The following TENM2 variants were observed in gnomAD, a reference collection of about 807,000 sequenced individuals.
TENM2 encodes teneurin transmembrane protein 2.
TENM2 carries 52 observed loss-of-function variants against 245.2 expected under a neutral mutation model. The observed-to-expected ratio is 0.21, with a 90% CI of 0.17 to 0.27. The LOEUF is 0.27. Among genes scored for constraint, TENM2 ranks in the 10% least tolerant of loss-of-function variants. The pLI, the probability that TENM2 is intolerant of heterozygous loss-of-function variation, is 1.00. For synonymous variants in TENM2, 1,363 were observed against 1,438.9 expected, an observed-to-expected ratio of 0.95 and a Z score of 1.19; for missense variants, 3,046 against 3,666.8, an observed-to-expected ratio of 0.83 and a Z score of 4.37.
At chr5:168,174,003 G>T (rs565226286) in intron 13 of TENM2, among the ~76,000 whole-genome samples, 1 of 152,350 alleles carries the variant, frequency 6.6e-6, no homozygotes, top group East Asian at 1.9e-4. Context: ...TCCACATGGA[G>T]AATGGAGGAG....
At chr5:167,829,610 A>C (rs542823151) in intron 2 of TENM2, among the ~76,000 whole-genome samples, 5 of 152,318 alleles carry the variant, frequency 3.3e-5, no homozygotes, top group Admixed American at 1.3e-4. Context: ...GGCAATTATA[A>C]TGTGGCAGAT....
intron 2 of TENM2, among the ~76,000 whole-genome samples, chr5:167,659,765 C>T (rs75498942): frequency 0.021 from 3,264 of 152,086 alleles, 112 homozygotes; most frequent in African/African-American, 0.073. Flanking sequence ...TCGATTGTAC[C>T]TTCTAGTTAC....
chr5:167,985,800 G>C (rs1717663113), intron 4 of TENM2, among the ~76,000 whole-genome samples: 2 of 152,212 alleles, frequency 1.3e-5, no homozygotes, highest in African/African-American at 4.8e-5. Flanking sequence ...GTATTTGTTT[G>C]TTTGTTTCTT....
At chr5:167,434,129 C>A (rs34755583) in intron 2 of TENM2, among the ~76,000 whole-genome samples, 37,724 of 151,812 alleles carry the variant, frequency 0.25, 5,296 homozygotes, top group African/African-American at 0.36. Flanking sequence ...TTAATTCATT[C>A]AGATAATTAG....
intron 2 of TENM2, among the ~76,000 whole-genome samples, chr5:167,420,710 A>G (rs778144464): frequency 6.6e-6 from 1 of 152,130 alleles, no homozygotes; most frequent in Non-Finnish European, 1.5e-5. Context: ...CTGTTTTATC[A>G]TGATACCTCG....
chr5:168,097,737 C>T (rs1217747065), intron 8 of TENM2, among the ~76,000 whole-genome samples: 1 of 152,046 alleles, frequency 6.6e-6, no homozygotes, highest in East Asian at 1.9e-4. Context: ...CAGCTGTGAG[C>T]CACTGTGATT....
At chr5:167,250,962 G>A in the TENM2 span, among the ~76,000 whole-genome samples, 1 of 152,168 alleles carries the variant, frequency 6.6e-6, no homozygotes, top group East Asian at 1.9e-4. Flanking sequence ...TGGTGAAATG[G>A]CGATATATTC....
intron 2 of TENM2, among the ~76,000 whole-genome samples, chr5:167,624,896 C>T (rs1360308635): frequency 6.6e-6 from 1 of 152,048 alleles, no homozygotes; most frequent in East Asian, 1.9e-4. Flanking sequence ...ATATAGAGAG[C>T]TATAAACAAG....
the TENM2 span, among the ~76,000 whole-genome samples, chr5:166,987,408 A>C: frequency 3.8e-5 from 5 of 133,220 alleles, no homozygotes; most frequent in African/African-American, 1.3e-4. Context: ...TTAATCACAG[A>C]AGTTTAGTAA....
chr5:167,372,124 T>C (rs1357936139), intron 1 of TENM2, among the ~76,000 whole-genome samples: 1 of 152,142 alleles, frequency 6.6e-6, no homozygotes, highest in Admixed American at 6.5e-5. Flanking sequence ...AGGAAAATCT[T>C]CCTTTCTATA....
At chr5:166,985,874 A>G in the TENM2 span, among the ~76,000 whole-genome samples, 1 of 152,212 alleles carries the variant, frequency 6.6e-6, no homozygotes, top group African/African-American at 2.4e-5. Context: ...GGCTTGACAT[A>G]GAAAAATCTC....
chr5:168,170,568 A>AGAAG (rs750882973), intron 13 of TENM2, among the ~76,000 whole-genome samples: 1 of 150,312 alleles, frequency 6.7e-6, no homozygotes, highest in African/African-American at 2.4e-5. Flanking sequence ...GAAGGAAGGA[A>AGAAG]GAAGGAAGGA....
At chr5:167,450,583 T>A (rs1463292768) in intron 2 of TENM2, among the ~76,000 whole-genome samples, 1 of 152,194 alleles carries the variant, frequency 6.6e-6, no homozygotes, top group Non-Finnish European at 1.5e-5. Context: ...TTTTTATATA[T>A]GTCTACCTTA....
At chr5:167,832,764 T>C (rs778477511) in intron 2 of TENM2, among the ~76,000 whole-genome samples, 9 of 152,150 alleles carry the variant, frequency 5.9e-5, no homozygotes, top group Non-Finnish European at 1.2e-4. Context: ...ATTGATAATT[T>C]GGAAGCATAC....
chr5:167,826,553 C>T (rs1293405497), intron 2 of TENM2, among the ~76,000 whole-genome samples: 2 of 152,210 alleles, frequency 1.3e-5, no homozygotes, highest in Non-Finnish European at 2.9e-5. Flanking sequence ...AAAGTTGTTA[C>T]ATTTTTGTTT....
Position 168,008,269 on chromosome 5 carries a change from T to C in TENM2, c.1186+15087T>C, listed in dbSNP as rs146111746. ...GAAAGGTAAAAGGAGAAGCCAGAAT[T>C]AATAGGGTGTTATGAGGAGAGGGAC... On this transcript the variant is annotated intron_variant, in intron 5 of 28. Transcript: ENST00000518659. Among the ~76,000 whole-genome samples the C allele has an allele frequency of 2.1e-4, 32 of 152,114 alleles. No homozygotes were observed. In the East Asian group the frequency reaches 6.2e-3, roughly 29 times the overall value.
At chr5:168,191,992 T>A (rs1761005684) in intron 14 of TENM2, among the ~76,000 whole-genome samples, 1 of 152,248 alleles carries the variant, frequency 6.6e-6, no homozygotes, top group South Asian at 2.1e-4. Flanking sequence ...TCGTTTTTAC[T>A]AAAAATAAAA....
At chr5:167,437,247 G>A (rs984949134) in intron 2 of TENM2, among the ~76,000 whole-genome samples, 21 of 152,196 alleles carry the variant, frequency 1.4e-4, no homozygotes, top group Non-Finnish European at 5.9e-5. Flanking sequence ...ACCTGGATGC[G>A]AGACTTGGAA....
At chr5:167,002,474 G>A in the TENM2 span, among the ~76,000 whole-genome samples, 1 of 151,924 alleles carries the variant, frequency 6.6e-6, no homozygotes, top group Non-Finnish European at 1.5e-5. Flanking sequence ...AAGCAATCTG[G>A]AGTAAAATAA....
Sources: gnomAD v4.1 joint callset for allele counts (sites outside exome capture counted in the v4.1 genomes callset) on GRCh38, gnomAD v4.1.1 for gene constraint, MANE v1.5 for transcripts, NCBI Gene and HGNC (gene_info 2026-07-23, HGNC 2026-07-21) for gene names.